TNNI3K: variants seen among roughly 807,000 people sequenced by gnomAD.
TNNI3K encodes TNNI3 interacting kinase.
A neutral mutation model predicts 114.5 loss-of-function variants in TNNI3K; 140 were observed. The observed-to-expected ratio is 1.22, with a 90% CI of 1.07 to 1.41. TNNI3K has a LOEUF of 1.41. Among genes scored for constraint, TNNI3K ranks in the 40% most tolerant of loss-of-function variants. TNNI3K has a pLI of 0.00. For synonymous variants in TNNI3K, 347 were observed against 347.5 expected (o/e 1.00, Z 0.02); for missense variants, 1,125 against 1,007.6 (o/e 1.12, Z -1.58).
chr1:74,467,869 CA>C (rs1346870333), intron 21 of TNNI3K, among the ~76,000 whole-genome samples: 1 of 152,034 alleles, frequency 6.6e-6, no homozygotes, highest in Non-Finnish European at 1.5e-5. Context: ...CACAATTTAA[CA>C]AGCGCCCCAG....
chr1:74,262,149 AG>A (rs1655716142), intron 4 of TNNI3K, among the ~76,000 whole-genome samples: 1 of 152,088 alleles, frequency 6.6e-6, no homozygotes, highest in Admixed American at 6.6e-5. Context: ...AGTGTTTCAT[AG>A]TTTCTAACTG....
intron 7 of TNNI3K, among the ~76,000 whole-genome samples, chr1:74,342,499 A>G (rs958669503): frequency 2.6e-5 from 4 of 152,132 alleles, no homozygotes; most frequent in African/African-American, 9.7e-5. Flanking sequence ...TCAGATAGAA[A>G]AACAATCAAT....
intron 13 of TNNI3K, among the ~76,000 whole-genome samples, chr1:74,368,733 A>G (rs1042834425): frequency 6.6e-6 from 1 of 151,660 alleles, no homozygotes; most frequent in Non-Finnish European, 1.5e-5. Context: ...TGGTAACCAG[A>G]TCAGGAATAG....
intron 4 of TNNI3K, among the ~76,000 whole-genome samples, chr1:74,265,262 G>A (rs1200460901): frequency 6.6e-6 from 1 of 152,022 alleles, no homozygotes; most frequent in Non-Finnish European, 1.5e-5. Flanking sequence ...GAATGAAACA[G>A]AATTGGTTAT....
At chr1:74,512,221 T>C (rs889477045) in intron 23 of TNNI3K, among the ~76,000 whole-genome samples, 1 of 152,198 alleles carries the variant, frequency 6.6e-6, no homozygotes, top group Non-Finnish European at 1.5e-5. Context: ...TGTCAGTGAT[T>C]GTACAGACTC....
intron 5 of TNNI3K, among the ~76,000 whole-genome samples, chr1:74,303,101 G>A (rs1040803010): frequency 6.6e-6 from 1 of 152,194 alleles, no homozygotes; most frequent in Admixed American, 6.5e-5. Context: ...CTTAAGAACT[G>A]TGCTAAATCC....
chr1:74,259,279 A>G (rs1655523673), intron 4 of TNNI3K, among the ~76,000 whole-genome samples: 1 of 152,220 alleles, frequency 6.6e-6, no homozygotes, highest in African/African-American at 2.4e-5. Flanking sequence ...CAAAGACTTG[A>G]GAACCAGGGG....
intron 20 of TNNI3K, among the ~76,000 whole-genome samples, chr1:74,460,815 AC>A (rs1314517311): frequency 6.6e-6 from 1 of 152,266 alleles, no homozygotes; most frequent in Non-Finnish European, 1.5e-5. Context: ...AGATGCCAAG[AC>A]TTTGCAGAAT....
intron 21 of TNNI3K, among the ~76,000 whole-genome samples, chr1:74,486,225 G>GAGAGAGAGAC (rs1202403085): frequency 4.6e-5 from 7 of 151,916 alleles, no homozygotes; most frequent in Admixed American, 2.6e-4. Flanking sequence ...GAGAGAGAGA[G>GAGAGAGAGAC]AGAGAGAGGT....
intron 17 of TNNI3K, among the ~76,000 whole-genome samples, chr1:74,382,807 C>T (rs1427022194): frequency 9.9e-5 from 15 of 152,138 alleles, no homozygotes; most frequent in Admixed American, 9.8e-4. Flanking sequence ...AGTGTTAGAG[C>T]GTTGATGATG....
chr1:74,271,605 C>T lies in TNNI3K; in HGVS notation c.341C>T (p.Ala114Val). 6.2e-7 allele frequency: 1 copy of T among 1,602,458 alleles called. No homozygotes were observed. Residue 114 changes from alanine (A) to valine (V), a missense_variant, in exon 5 of 25, where the codon GCA (alanine) becomes GTA (valine). Coordinates refer to ENST00000326637, the MANE Select transcript of TNNI3K (RefSeq NM_015978.3). ...AGATATGTTTCCTTACAGGATAATG[C>T]AGAATTGATCACTTCTCTGCTTCAC... is the stretch of plus-strand genomic sequence containing the variant. ...ALHLAVYKDN[A>V]ELITSLLHSG... is the part of the protein sequence containing the mutation.
At chr1:74,354,291 A>G (rs181847826) in intron 11 of TNNI3K, among the ~76,000 whole-genome samples, 162 bp downstream of exon 11, 3 of 152,296 alleles carry the variant, frequency 2.0e-5, no homozygotes, top group Non-Finnish European at 2.9e-5. Context: ...AGTCCAATAC[A>G]CTGTAATCAG....
intron 20 of TNNI3K, among the ~76,000 whole-genome samples, chr1:74,451,354 C>T (rs1666984569): frequency 6.6e-6 from 1 of 152,108 alleles, no homozygotes; most frequent in South Asian, 2.1e-4. Context: ...TACATGTTTA[C>T]TTATGTAACA....
intron 23 of TNNI3K, among the ~76,000 whole-genome samples, chr1:74,523,451 A>C (rs533868405): frequency 6.6e-6 from 1 of 151,668 alleles, no homozygotes; most frequent in Admixed American, 6.6e-5. Flanking sequence ...CTTTTTTTTA[A>C]TTTTCTTTTG....
At chr1:74,252,378 A>G (rs1654981514) in intron 4 of TNNI3K, among the ~76,000 whole-genome samples, 1 of 152,246 alleles carries the variant, frequency 6.6e-6, no homozygotes, top group Non-Finnish European at 1.5e-5. Flanking sequence ...CAAAAATATT[A>G]AAAGGCCATA....
At chr1:74,337,790 T>C (rs1337536708) in intron 7 of TNNI3K, among the ~76,000 whole-genome samples, 1 of 152,106 alleles carries the variant, frequency 6.6e-6, no homozygotes, top group Non-Finnish European at 1.5e-5. Flanking sequence ...TATAGTTTTG[T>C]CTGTTCTTGA....
chr1:74,397,112 G>A (rs1003373466), intron 17 of TNNI3K, among the ~76,000 whole-genome samples: 5 of 152,024 alleles, frequency 3.3e-5, no homozygotes, highest in East Asian at 1.9e-4. Context: ...GAAATGACAC[G>A]GGGGAGCCAG....
intron 5 of TNNI3K, among the ~76,000 whole-genome samples, chr1:74,294,755 G>A (rs76092626): frequency 0.047 from 7,083 of 151,884 alleles, 203 homozygotes; most frequent in Non-Finnish European, 0.055. Flanking sequence ...CTAATATTAT[G>A]TATTTGTTCC....
chr1:74,476,062 A>C (rs892780711), intron 21 of TNNI3K, among the ~76,000 whole-genome samples: 2 of 152,172 alleles, frequency 1.3e-5, no homozygotes, highest in African/African-American at 4.8e-5. Context: ...TTTGGTAGAA[A>C]AAAAGGCTGT....
Sources: gnomAD v4.1 joint callset for allele counts (sites outside exome capture counted in the v4.1 genomes callset) on GRCh38, gnomAD v4.1.1 for gene constraint, MANE v1.5 for transcripts, NCBI Gene and HGNC (gene_info 2026-07-23, HGNC 2026-07-21) for gene names.